Variants in MADD observed in about 807,000 individuals in gnomAD.
The protein encoded by MADD is MAP kinase activating death domain.
Under a neutral mutation model 176.7 loss-of-function variants are expected in MADD, and 109 were observed. That is an observed-to-expected ratio of 0.62 (90% CI 0.53 to 0.72). The LOEUF (loss-of-function observed/expected upper bound fraction) is 0.72. MADD is among the 30% of genes least tolerant of loss of function. The pLI, the probability that MADD is intolerant of heterozygous loss-of-function variation, is 0.00. For missense variants in MADD, 1,914 were observed against 2,045.5 expected, an observed-to-expected ratio of 0.94 and a Z score of 1.24; for synonymous variants, 771 against 771.3, an observed-to-expected ratio of 1.00 and a Z score of 0.01.
intron 2 of MADD, 111 bp from the exon 3 acceptor site, chr11:47,274,452 C>G: frequency 1.1e-6 from 1 of 889,012 alleles, no homozygotes. Context: ...GTGTTACAGT[C>G]AGGTTACTTT....
At chr11:47,278,446 T>G (rs890857237) in intron 6 of MADD, among the ~76,000 whole-genome samples, 168 bp downstream of exon 6, 1 of 152,252 alleles carries the variant, frequency 6.6e-6, no homozygotes, top group Non-Finnish European at 1.5e-5. Flanking sequence ...TTTTACCTTA[T>G]TAGCCAAATA....
At chr11:47,278,058 T>C (rs2052225194) in intron 5 of MADD, 107 bp from the exon 6 acceptor site, 2 of 775,088 alleles carry the variant, frequency 2.6e-6, no homozygotes, top group East Asian at 4.9e-5. Context: ...TCAAGAGTTT[T>C]GGAAGAGGGA....
intron 31 of MADD, chr11:47,327,232 C>A (rs982382946): frequency 1.2e-5 from 12 of 998,554 alleles, no homozygotes; most frequent in Non-Finnish European, 1.3e-5. Flanking sequence ...CTCCACCTGG[C>A]CTCTGTGCCA....
At chr11:47,311,761 G>A in exon 26 of MADD, 1 of 1,613,758 alleles carries the variant, frequency 6.2e-7, no homozygotes, top group Non-Finnish European at 8.5e-7. Flanking sequence ...GCAAGAAGGT[G>A]AGGCGCCTAA....
intron 26 of MADD, among the ~76,000 whole-genome samples, chr11:47,312,288 G>A (rs750070553): frequency 5.9e-5 from 9 of 152,036 alleles, no homozygotes; most frequent in Non-Finnish European, 1.0e-4. Flanking sequence ...TCACTCTGTC[G>A]CCCAGGCTGG....
At chr11:47,314,382 A>G (rs2091870802) in intron 26 of MADD, among the ~76,000 whole-genome samples, 1 of 152,144 alleles carries the variant, frequency 6.6e-6, no homozygotes, top group Non-Finnish European at 1.5e-5. Context: ...GCCTAAATGG[A>G]TTTTAATGTA....
chr11:47,285,942 T>C (rs1036828611), intron 14 of MADD, among the ~76,000 whole-genome samples: 3 of 152,264 alleles, frequency 2.0e-5, no homozygotes, highest in African/African-American at 7.2e-5. Context: ...CTTTGCCTCA[T>C]AACGGACTCT....
rs745337450 is a variant in MADD, at chr11:47,289,057, CT to C, written c.2654-324del. On this transcript the variant is annotated intron_variant, in intron 15 of 32. Coordinates refer to ENST00000402192, the Ensembl canonical transcript of MADD. ...GTCTTGCCTGTGAGCTGTGCATGAT[CT>C]TTTTTTTTTCTCTAGCATCTTCTGT... 1,041 of 1,443,104 alleles carry C rather than the reference CT, an allele frequency of 7.2e-4. 1 individual carries two copies. The highest frequency in any genetic ancestry group is 1.2e-3 in the South Asian group (93 of 75,304). 89.4% of individuals were successfully genotyped at this position (1,443,104 alleles called of 1,614,324 possible).
At chr11:47,284,649 A>G in intron 12 of MADD, 84 bp downstream of exon 12, 1 of 1,489,226 alleles carries the variant, frequency 6.7e-7, no homozygotes, top group Non-Finnish European at 9.0e-7. Context: ...GTAGCTATTC[A>G]TTTGCTGCTT....
rs1191568154 is a variant in MADD, at chr11:47,323,717, A to T, written c.4244A>T (p.Tyr1415Phe). 71 of 1,614,004 alleles carry T rather than the reference A, an allele frequency of 4.4e-5. No homozygotes were observed. Among genetic ancestry groups the T allele is most frequent in the Non-Finnish European group, 5.4e-5 (64 of 1,180,008 alleles). ...TTGCGTAGTAACATCGGAACAGTGT[A>T]TGAGCGCTGGTGGTACGAGAAGCTC... The change falls in exon 28 of 33, where the codon TAT becomes TTT. Residue 1415 changes from tyrosine (Y) to phenylalanine (F), a missense_variant. Tyr to Phe is a conservative substitution (Grantham distance 22). Around this residue, in one of 2 missense-constraint regions of MADD, gnomAD observed 1,767 missense variants for 1,836.0 expected, o/e 0.96. Transcript: ENST00000402192.
In MADD at chr11:47,290,231, C is replaced by T. The variant is rs1052799252; in HGVS notation, c.3026C>T (p.Ala1009Val). 32 of 1,613,994 alleles carry T rather than the reference C, an allele frequency of 2.0e-5. No individual in the cohort carries two copies. Among genetic ancestry groups the T allele is most frequent in the Non-Finnish European group, 2.5e-5 (29 of 1,180,024 alleles). ...AGCTTGGAGCAGTCCTATGCCCACG[C>T]GGGTCTGGGTGGCATGGCCAGCATC... The change falls in exon 18 of 33, where the codon GCG becomes GTG. Residue 1009 changes from alanine to valine, a missense_variant. Ala to Val is a moderately conservative substitution (Grantham distance 64, BLOSUM62 0). Around this residue, in one of 2 missense-constraint regions of MADD, gnomAD observed 1,767 missense variants for 1,836.0 expected, o/e 0.96. Coordinates refer to ENST00000402192, the Ensembl canonical transcript of MADD.
intron 27 of MADD, 130 bp downstream of exon 30, chr11:47,315,457 G>A: frequency 1.8e-6 from 1 of 564,058 alleles, no homozygotes; most frequent in Non-Finnish European, 3.2e-6. Context: ...TAAATTATCA[G>A]ATTGGTTTTT....
intron 19 of MADD, 56 bp from the exon 22 acceptor site, chr11:47,293,827 T>C (rs1275928622): frequency 8.5e-7 from 1 of 1,177,554 alleles, no homozygotes; most frequent in East Asian, 2.3e-5. Flanking sequence ...CCACCCCCTT[T>C]ACCAGCCTGC....
chr11:47,298,777 GCTACGTTTTCTT>G (rs2075254338), intron 22 of MADD, among the ~76,000 whole-genome samples: 1 of 152,098 alleles, frequency 6.6e-6, no homozygotes, highest in Non-Finnish European at 1.5e-5. Context: ...AAGCATTTCT[GCTACGTTTTCTT>G]CTAGTAGTTT....
intron 30 of MADD, among the ~76,000 whole-genome samples, chr11:47,326,095 G>GGC (rs1423201924): frequency 6.6e-6 from 1 of 151,788 alleles, no homozygotes; most frequent in Non-Finnish European, 1.5e-5. Flanking sequence ...CACGTTCATG[G>GGC]GCAAAGAAAC....
At chr11:47,299,589 T>G (rs1219571341) in intron 22 of MADD, among the ~76,000 whole-genome samples, 1 of 52,496 alleles carries the variant, frequency 1.9e-5, no homozygotes, top group Non-Finnish European at 3.2e-5. Context: ...TTAGGGCTTT[T>G]TTTTTTTTTT....
intron 27 of MADD, 43 bp from the exon 31 acceptor site, chr11:47,323,628 G>T: frequency 6.2e-7 from 1 of 1,601,760 alleles, no homozygotes; most frequent in Non-Finnish European, 8.5e-7. Context: ...GGGAGAGGCT[G>T]TCAGAGACAG....
At chr11:47,289,066 T>G in intron 15 of MADD, 39 bp downstream of exon 16, 1 of 1,554,684 alleles carries the variant, frequency 6.4e-7, no homozygotes, top group Non-Finnish European at 8.7e-7. Flanking sequence ...TCTTTTTTTT[T>G]TCTCTAGCAT....
intron 27 of MADD, among the ~76,000 whole-genome samples, chr11:47,322,444 TAAAA>T (rs372162093): frequency 6.6e-6 from 1 of 151,918 alleles, no homozygotes; most frequent in Non-Finnish European, 1.5e-5. Flanking sequence ...CGTCTCTACT[TAAAA>T]AAATATATAA....
Sources: allele counts gnomAD v4.1 joint callset (sites outside exome capture counted in the v4.1 genomes callset), GRCh38; gene constraint gnomAD v4.1.1; regional missense constraint gnomAD v4.1.1; transcripts MANE v1.5; gene names NCBI Gene and HGNC (gene_info 2026-07-23, HGNC 2026-07-21).